Variants in PTPRN2 observed in about 807,000 individuals in gnomAD.
The protein encoded by PTPRN2 is protein tyrosine phosphatase receptor type N2.
Under a neutral mutation model 118.8 loss-of-function variants are expected in PTPRN2, and 74 were observed. The observed-to-expected ratio is 0.62, with a 90% CI of 0.52 to 0.76. The LOEUF (loss-of-function observed/expected upper bound fraction) is 0.76. Among genes scored for constraint, PTPRN2 ranks in the 30% least tolerant of loss-of-function variants. PTPRN2 has a pLI of 0.00. For missense variants in PTPRN2, 1,481 were observed against 1,394.4 expected (o/e 1.06, Z -0.99); for synonymous variants, 641 against 608.0 (o/e 1.05, Z -0.80).
chr7:157,905,297 T>A (rs1797708308), intron 11 of PTPRN2, among the ~76,000 whole-genome samples: 1 of 152,226 alleles, frequency 6.6e-6, no homozygotes, highest in South Asian at 2.1e-4. Flanking sequence ...AAAAGCCTGC[T>A]TCAGCCAGAT....
intron 12 of PTPRN2, among the ~76,000 whole-genome samples, chr7:157,840,599 C>G (rs113376356): frequency 0.05 from 7,594 of 152,244 alleles, 508 homozygotes; most frequent in African/African-American, 0.14. Context: ...CCGGCTGAAG[C>G]CCACAGAGCA....
intron 12 of PTPRN2, among the ~76,000 whole-genome samples, chr7:157,834,017 C>T (rs369747439): frequency 3.9e-5 from 6 of 152,344 alleles, no homozygotes; most frequent in South Asian, 2.1e-4. Flanking sequence ...CCTCTGCCAA[C>T]GTCCTTCGAA....
chr7:158,511,472 A>G (rs1322279138), intron 1 of PTPRN2, among the ~76,000 whole-genome samples: 1 of 152,206 alleles, frequency 6.6e-6, no homozygotes, highest in Non-Finnish European at 1.5e-5. Context: ...AACCATCCAC[A>G]TCTTGTAGAA....
intron 21 of PTPRN2, among the ~76,000 whole-genome samples, chr7:157,551,114 C>G (rs1024809410): frequency 1.2e-4 from 18 of 152,162 alleles, no homozygotes; most frequent in African/African-American, 4.3e-4. Flanking sequence ...CGCAGGGGAA[C>G]TGGCCTCTCT....
At chr7:157,574,877 A>G (rs1799944811) in intron 19 of PTPRN2, among the ~76,000 whole-genome samples, 1 of 152,260 alleles carries the variant, frequency 6.6e-6, no homozygotes, top group South Asian at 2.1e-4. Flanking sequence ...AACACATGAA[A>G]GGTGGCCTTG....
intron 11 of PTPRN2, among the ~76,000 whole-genome samples, chr7:158,080,941 T>A (rs1309582069): frequency 6.6e-6 from 1 of 152,200 alleles, no homozygotes; most frequent in Non-Finnish European, 1.5e-5. Flanking sequence ...CTGCACACAC[T>A]GGGATTACTA....
intron 3 of PTPRN2, among the ~76,000 whole-genome samples, chr7:158,256,519 G>A (rs1168499278): frequency 6.6e-6 from 1 of 152,146 alleles, no homozygotes; most frequent in Non-Finnish European, 1.5e-5. Context: ...GGCCCCGGAA[G>A]ACCTACCTAT....
intron 11 of PTPRN2, among the ~76,000 whole-genome samples, chr7:158,007,277 C>A (rs1259725769): frequency 6.6e-6 from 1 of 152,198 alleles, no homozygotes; most frequent in African/African-American, 2.4e-5. Flanking sequence ...CCAGGTGGAG[C>A]TGCGGCAGTG....
rs1431648787 is a variant in PTPRN2, at chr7:157,868,091, T to C, written c.1788+30582A>G. Among the ~76,000 whole-genome samples, 2 of 152,246 alleles carry C rather than the reference T, an allele frequency of 1.3e-5. No individual in the cohort carries two copies. Among genetic ancestry groups the C allele is most frequent in the African/African-American group, 2.4e-5 (1 of 41,472 alleles). The stretch of plus-strand genomic sequence containing the variant: ...CCGCATCCTGGGCAAGAGGCCCACA[T>C]GCACCTTAGAAAGGGCCCGAAACAG... On this transcript the variant is annotated intron_variant, in intron 12 of 22. Coordinates refer to ENST00000389418, the MANE Select transcript of PTPRN2 (RefSeq NM_002847.5). The surrounding 1 kb of genome is among the most constrained non-coding windows in gnomAD (Gnocchi z 5.2).
intron 12 of PTPRN2, among the ~76,000 whole-genome samples, chr7:157,834,492 T>A (rs1343780002): frequency 5.0e-5 from 7 of 139,592 alleles, no homozygotes; most frequent in Admixed American, 7.0e-5. Flanking sequence ...GCACTCCCTG[T>A]GATCAATCCA....
chr7:157,675,190 G>A (rs994504588), intron 13 of PTPRN2, among the ~76,000 whole-genome samples: 58 of 152,092 alleles, frequency 3.8e-4, no homozygotes, highest in Admixed American at 2.8e-3. Flanking sequence ...ACAGCGGCTC[G>A]CGTCCTTCGG....
intron 12 of PTPRN2, among the ~76,000 whole-genome samples, chr7:157,840,592 G>T (rs1808350493): frequency 6.6e-6 from 1 of 152,216 alleles, no homozygotes; most frequent in African/African-American, 2.4e-5. Context: ...ATCCGAGCCG[G>T]CTGAAGCCCA....
Position 158,126,074 on chromosome 7 carries a change from A to G in PTPRN2, c.1556+7603T>C, listed in dbSNP as rs1356661890. Among the ~76,000 whole-genome samples the G allele has an allele frequency of 3.7e-5, 5 of 134,484 alleles. No individual in the cohort carries two copies. The East Asian group carries it at 1.1e-3, about 30-fold the overall frequency. The allele number at this position is 134,484 out of a possible 152,430, so 88.2% of individuals were successfully genotyped here. On this transcript the variant is annotated intron_variant, in intron 9 of 22. Coordinates refer to ENST00000389418, the MANE Select transcript of PTPRN2 (RefSeq NM_002847.5). ...CAGCCCCCAGGACAGCGGGCGGCGG[A>G]ACTTCCTCTCCGCCACACCAGCCCC...
At chr7:157,901,122 G>T (rs578214687) in intron 11 of PTPRN2, among the ~76,000 whole-genome samples, 4 of 152,186 alleles carry the variant, frequency 2.6e-5, no homozygotes, top group African/African-American at 9.7e-5. Flanking sequence ...AGGAGAGGGC[G>T]GAGGGAGGGC....
At chr7:158,037,352 C>T (rs1389849573) in intron 11 of PTPRN2, among the ~76,000 whole-genome samples, 1 of 152,218 alleles carries the variant, frequency 6.6e-6, no homozygotes, top group East Asian at 1.9e-4. Context: ...ACATCGTTAG[C>T]TGATGTTGTG....
At chr7:158,055,528 G>A (rs982816139) in intron 11 of PTPRN2, among the ~76,000 whole-genome samples, 3 of 152,178 alleles carry the variant, frequency 2.0e-5, no homozygotes, top group Admixed American at 1.3e-4. Flanking sequence ...GTGATGCTGT[G>A]CTTCAGTGGT....
intron 11 of PTPRN2, among the ~76,000 whole-genome samples, chr7:158,076,884 T>C (rs1812401659): frequency 6.6e-6 from 1 of 152,156 alleles, no homozygotes; most frequent in South Asian, 2.1e-4. Context: ...CAGAGTGATA[T>C]CACCTTAGGA....
chr7:158,413,250 G>A (rs1279133173), intron 2 of PTPRN2, among the ~76,000 whole-genome samples: 1 of 152,236 alleles, frequency 6.6e-6, no homozygotes, highest in African/African-American at 2.4e-5. Context: ...TTGTGCCAAA[G>A]TTGGGTTCAA....
At chr7:158,538,512 G>A (rs1422060495) in intron 1 of PTPRN2, among the ~76,000 whole-genome samples, 5 of 152,162 alleles carry the variant, frequency 3.3e-5, no homozygotes, top group Non-Finnish European at 2.9e-5. Context: ...TGATTTCTGT[G>A]GCTTCTATAA....
Sources: allele counts gnomAD v4.1 joint callset (sites outside exome capture counted in the v4.1 genomes callset), GRCh38; gene constraint gnomAD v4.1.1; non-coding constraint Gnocchi (gnomAD v3.1); transcripts MANE v1.5; gene names NCBI Gene and HGNC (gene_info 2026-07-23, HGNC 2026-07-21).